Variants in SH2D4B observed in about 807,000 individuals in gnomAD.
SH2D4B encodes the protein SH2 domain containing 4B, also known as SH2 domain-containing protein 4B.
A neutral mutation model predicts 61.5 loss-of-function variants in SH2D4B; 45 were observed. That is an observed-to-expected ratio of 0.73 (90% CI 0.58 to 0.94). The LOEUF (loss-of-function observed/expected upper bound fraction) is 0.94, where lower values mean the gene tolerates loss of function less well. Ranked by LOEUF, SH2D4B falls within the 40% of genes least tolerant of loss-of-function variation. The pLI is 0.00. For synonymous variants in SH2D4B, 224 were observed against 220.4 expected, an observed-to-expected ratio of 1.02 and a Z score of -0.14; for missense variants, 572 against 574.2, an observed-to-expected ratio of 1.00 and a Z score of 0.04.
intron 3 of SH2D4B, among the ~76,000 whole-genome samples, chr10:80,578,031 C>A: frequency 6.6e-6 from 1 of 151,640 alleles, no homozygotes; most frequent in East Asian, 1.9e-4. Flanking sequence ...AGTGCAGTGG[C>A]ACAATCTCAG....
intron 3 of SH2D4B, among the ~76,000 whole-genome samples, 200 bp downstream of exon 3, chr10:80,571,778 T>G (rs933282871): frequency 1.4e-5 from 2 of 142,154 alleles, no homozygotes; most frequent in Admixed American, 1.4e-4. Context: ...TTTTTTTTCT[T>G]TTTTTTTTTT....
rs913775523 is a variant in SH2D4B, at chr10:80,614,324, G to A, written c.988+4773G>A. ...AGCTGGAGCAGGCATGTCATGTGGC[G>A]AGAGTGGGAGGAAGGTGGGTAGTGG... is the stretch of plus-strand genomic sequence containing the variant. On this transcript the variant is annotated intron_variant, in intron 6 of 7. Transcript: ENST00000646907. Among the ~76,000 whole-genome samples, 24 of 152,194 alleles carry A rather than the reference G, an allele frequency of 1.6e-4. 1 individual carries two copies. The highest frequency in any genetic ancestry group is 3.2e-4 in the Non-Finnish European group (22 of 68,032).
At chr10:80,544,100 G>C (rs932955118) in intron 1 of SH2D4B, among the ~76,000 whole-genome samples, 1 of 152,056 alleles carries the variant, frequency 6.6e-6, no homozygotes, top group African/African-American at 2.4e-5. Flanking sequence ...TTTGCTCTTT[G>C]CAATAAATCT....
chr10:80,571,154 C>A (rs565581224), intron 2 of SH2D4B, among the ~76,000 whole-genome samples: 49 of 152,196 alleles, frequency 3.2e-4, no homozygotes, highest in African/African-American at 1.2e-3. Flanking sequence ...GGATTACAGG[C>A]ATGCACCACC....
At chr10:80,599,968 T>C (rs974675352) in intron 4 of SH2D4B, among the ~76,000 whole-genome samples, 1 of 152,216 alleles carries the variant, frequency 6.6e-6, no homozygotes, top group Non-Finnish European at 1.5e-5. Context: ...CACTCAGGGA[T>C]GGACCCTTTC....
chr10:80,605,842 G>A (rs1189573844), intron 5 of SH2D4B, among the ~76,000 whole-genome samples: 1 of 152,122 alleles, frequency 6.6e-6, no homozygotes, highest in Non-Finnish European at 1.5e-5. Flanking sequence ...CTAAATTTGG[G>A]GGCATAGTTA....
Position 80,612,209 on chromosome 10 carries a change from C to T in SH2D4B, c.988+2658C>T, listed in dbSNP as rs560409177. ...TTTTTTTTTTTTTTTCAACTTTACT[C>T]ACTTATAAAATCCCAAAGTCTGGAA... On this transcript the variant is annotated intron_variant, in intron 6 of 7. Coordinates refer to ENST00000646907, the MANE Select transcript of SH2D4B (RefSeq NM_001388272.1). Among the ~76,000 whole-genome samples, 3 of 94,696 alleles carry T rather than the reference C, an allele frequency of 3.2e-5. No individual in the cohort carries two copies. In the Admixed American group the frequency reaches 3.8e-4, roughly 12 times the overall value. 62.1% of individuals were successfully genotyped at this position (94,696 alleles called of 152,430 possible).
At chr10:80,566,886 AT>A (rs1469722518) in intron 1 of SH2D4B, among the ~76,000 whole-genome samples, 4 of 152,184 alleles carry the variant, frequency 2.6e-5, no homozygotes, top group Non-Finnish European at 4.4e-5. Flanking sequence ...ATCAGTTATA[AT>A]TAAATCGGTG....
intron 3 of SH2D4B, among the ~76,000 whole-genome samples, chr10:80,578,740 G>A (rs1002964593): frequency 1.3e-5 from 2 of 152,172 alleles, no homozygotes; most frequent in African/African-American, 4.8e-5. Flanking sequence ...GAGCACCACT[G>A]ATGGCAATGA....
chr10:80,613,421 A>T (rs916987508), intron 6 of SH2D4B, among the ~76,000 whole-genome samples: 1 of 152,260 alleles, frequency 6.6e-6, no homozygotes, highest in African/African-American at 2.4e-5. Context: ...CTTTACTTCT[A>T]CAAAAACAGT....
chr10:80,593,399 T>G (rs1202470979), intron 4 of SH2D4B, among the ~76,000 whole-genome samples: 1 of 152,264 alleles, frequency 6.6e-6, no homozygotes, highest in African/African-American at 2.4e-5. Flanking sequence ...GTTTTCAGTG[T>G]AGAAGCCTTG....
intron 3 of SH2D4B, among the ~76,000 whole-genome samples, chr10:80,583,155 C>T (rs1347415434): frequency 6.6e-6 from 1 of 152,152 alleles, no homozygotes; most frequent in Non-Finnish European, 1.5e-5. Context: ...ACAGAGGAAA[C>T]AGACCTAAAT....
intron 6 of SH2D4B, among the ~76,000 whole-genome samples, chr10:80,614,720 T>C (rs1360599691): frequency 6.6e-6 from 1 of 152,178 alleles, no homozygotes; most frequent in Non-Finnish European, 1.5e-5. Context: ...ACTGCTGATA[T>C]TGCTCCAGGG....
intron 1 of SH2D4B, among the ~76,000 whole-genome samples, chr10:80,543,124 G>A (rs867935459): frequency 6.6e-6 from 1 of 152,090 alleles, no homozygotes; most frequent in Non-Finnish European, 1.5e-5. Context: ...GCCCTCTCTC[G>A]CTCTCGGTGC....
chr10:80,584,465 C>A (rs1842219781), intron 3 of SH2D4B, among the ~76,000 whole-genome samples: 1 of 152,112 alleles, frequency 6.6e-6, no homozygotes, highest in East Asian at 1.9e-4. Context: ...GATGTATTAA[C>A]CCAGGAAAAA....
chr10:80,585,841 A>G (rs7067623), intron 3 of SH2D4B, among the ~76,000 whole-genome samples: 40,816 of 151,966 alleles, frequency 0.27, 6,416 homozygotes, highest in African/African-American at 0.43. Flanking sequence ...GGCCAAGGCC[A>G]GAGCCGGCTC....
intron 4 of SH2D4B, among the ~76,000 whole-genome samples, chr10:80,595,543 C>T (rs1256049614): frequency 1.3e-5 from 2 of 152,196 alleles, no homozygotes; most frequent in Non-Finnish European, 2.9e-5. Flanking sequence ...ATATTTTCAA[C>T]ACTATTGCCC....
At chr10:80,562,064 T>G (rs562409038) in intron 1 of SH2D4B, among the ~76,000 whole-genome samples, 1 of 131,018 alleles carries the variant, frequency 7.6e-6, no homozygotes, top group Non-Finnish European at 1.6e-5. Flanking sequence ...CACACACACA[T>G]ATATAAAAAT....
intron 4 of SH2D4B, among the ~76,000 whole-genome samples, chr10:80,602,356 A>G (rs1472849310): frequency 6.6e-6 from 1 of 152,172 alleles, no homozygotes; most frequent in African/African-American, 2.4e-5. Flanking sequence ...TCAGCTACTC[A>G]GGAGGCTGAG....
Sources: allele counts gnomAD v4.1 joint callset (sites outside exome capture counted in the v4.1 genomes callset), GRCh38; gene constraint gnomAD v4.1.1; transcripts MANE v1.5; gene names NCBI Gene and HGNC (gene_info 2026-07-23, HGNC 2026-07-21).